Variants in XIRP2 observed in about 807,000 individuals in gnomAD.
The protein encoded by XIRP2 is xin actin binding repeat containing 2, also known as xin actin-binding repeat-containing protein 2.
XIRP2 carries 236 observed loss-of-function variants against 277.0 expected under a neutral mutation model. The ratio of observed to expected loss-of-function variants is 0.85; its 90% confidence interval spans 0.77 to 0.95. XIRP2 has a LOEUF of 0.95. Ranked by LOEUF, XIRP2 falls within the 40% of genes least tolerant of loss-of-function variation. The pLI is 0.00. For missense variants in XIRP2, 4,640 were observed against 4,157.5 expected (o/e 1.12, Z -3.19); for synonymous variants, 1,490 against 1,416.5 (o/e 1.05, Z -1.17).
intron 3 of XIRP2, among the ~76,000 whole-genome samples, chr2:167,164,724 A>G (rs1573927090): frequency 6.6e-6 from 1 of 152,244 alleles, no homozygotes; most frequent in South Asian, 2.1e-4. Context: ...TTTTTAATGG[A>G]CATTATTTTT....
chr2:167,166,838 G>C (rs1429624308), intron 3 of XIRP2, among the ~76,000 whole-genome samples: 4 of 152,104 alleles, frequency 2.6e-5, no homozygotes, highest in Non-Finnish European at 5.9e-5. Flanking sequence ...AGATTTGGGA[G>C]GGACAAACAT....
chr2:166,900,235 A>C (rs1037925198), intron 1 of XIRP2, among the ~76,000 whole-genome samples: 1 of 151,866 alleles, frequency 6.6e-6, no homozygotes, highest in Non-Finnish European at 1.5e-5. Context: ...AAATTCACTG[A>C]TCCTTTCCTT....
In XIRP2 at chr2:167,250,415, T is replaced by G; in HGVS notation, c.9023T>G (p.Val3008Gly). 1 of 1,613,156 alleles carries G rather than the reference T, an allele frequency of 6.2e-7. No individual in the cohort carries two copies. The highest frequency in any genetic ancestry group is 8.5e-7 in the Non-Finnish European group (1 of 1,179,604). Residue 3008 changes from valine to glycine, a missense_variant, in exon 9 of 11, where the codon GTA (valine) becomes GGA (glycine). Transcript: ENST00000409195. ...HIAMENNLEKVKEEITHIKTQ... is the reference protein window; with the variant it reads ...HIAMENNLEKGKEEITHIKTQ... ...GCCATGGAGAATAATTTAGAAAAAGTAAAAGAAGAAATAACACATATTAAA... is the reference window on the plus strand; with the variant it reads ...GCCATGGAGAATAATTTAGAAAAAGGAAAAGAAGAAATAACACATATTAAA...
At chr2:167,220,797 T>C (rs778595902) in intron 5 of XIRP2, among the ~76,000 whole-genome samples, 1 of 152,220 alleles carries the variant, frequency 6.6e-6, no homozygotes, top group Non-Finnish European at 1.5e-5. Flanking sequence ...CATATGGTTT[T>C]CAATGAAGAA....
intron 2 of XIRP2, among the ~76,000 whole-genome samples, chr2:166,921,301 G>A (rs1047651189): frequency 6.6e-6 from 1 of 152,060 alleles, no homozygotes; most frequent in Admixed American, 6.6e-5. Context: ...GTTGTCCAAA[G>A]TCGTTGTACT....
At chr2:166,940,621 T>C (rs1673134910) in intron 2 of XIRP2, among the ~76,000 whole-genome samples, 1 of 152,168 alleles carries the variant, frequency 6.6e-6, no homozygotes, top group African/African-American at 2.4e-5. Flanking sequence ...CAGATGGGGT[T>C]TTGGTGTGGA....
At chr2:167,025,931 G>A (rs1008465266) in intron 2 of XIRP2, among the ~76,000 whole-genome samples, 5 of 152,144 alleles carry the variant, frequency 3.3e-5, no homozygotes, top group Non-Finnish European at 5.9e-5. Context: ...TGTATATTCT[G>A]TTGATTTGGG....
intron 2 of XIRP2, among the ~76,000 whole-genome samples, chr2:167,011,200 C>CTT: frequency 6.6e-6 from 1 of 151,032 alleles, no homozygotes; most frequent in East Asian, 2.0e-4. Flanking sequence ...ATGATATTGG[C>CTT]TGTGGGTTTG....
chr2:167,092,461 A>G (rs943534365), intron 2 of XIRP2, among the ~76,000 whole-genome samples: 7 of 152,114 alleles, frequency 4.6e-5, no homozygotes, highest in African/African-American at 1.7e-4. Flanking sequence ...AATAGTTTGT[A>G]AAAGCCATCC....
intron 3 of XIRP2, among the ~76,000 whole-genome samples, chr2:167,183,238 AC>A (rs1269904124): frequency 4.6e-5 from 7 of 152,206 alleles, no homozygotes; most frequent in African/African-American, 1.4e-4. Flanking sequence ...GAAGAAAGCA[AC>A]TGTACTAGAA....
chr2:166,962,653 C>T (rs1023128118), intron 2 of XIRP2, among the ~76,000 whole-genome samples: 3 of 151,612 alleles, frequency 2.0e-5, no homozygotes, highest in African/African-American at 7.3e-5. Context: ...CAAAATAATG[C>T]CTTGTTGAAG....
intron 2 of XIRP2, among the ~76,000 whole-genome samples, chr2:167,021,330 T>C (rs1687975032): frequency 6.6e-6 from 1 of 152,072 alleles, no homozygotes; most frequent in Non-Finnish European, 1.5e-5. Context: ...ACAAATATAA[T>C]TTGGCAGAAA....
intron 2 of XIRP2, among the ~76,000 whole-genome samples, chr2:167,110,610 G>A (rs1690725662): frequency 6.6e-6 from 1 of 152,132 alleles, no homozygotes; most frequent in South Asian, 2.1e-4. Context: ...GTAATGTGAT[G>A]CCTCCAGCTT....
rs148287298 is a variant in XIRP2 at position 167,005,919 on chromosome 2, A to G, written c.408+102029A>G. On this transcript the variant is annotated intron_variant, in intron 2 of 10. Coordinates refer to ENST00000409195, the MANE Select transcript of XIRP2 (RefSeq NM_152381.6). ...TCAGAATCAGAGTATGCATGAGGAC[A>G]GCAGCACTGCTCCAAATCTGTTTGG... 2.4e-3 allele frequency among the ~76,000 whole-genome samples: 362 copies of G among 151,950 alleles called. 4 individuals are homozygous for G. Among genetic ancestry groups the G allele is most frequent in the African/African-American group, 8.1e-3 (335 of 41,524 alleles).
chr2:167,021,551 T>C (rs1045105350), intron 2 of XIRP2, among the ~76,000 whole-genome samples: 3 of 152,100 alleles, frequency 2.0e-5, no homozygotes, highest in Non-Finnish European at 2.9e-5. Context: ...TGGAAATTTT[T>C]CTTTAAAAGA....
At chr2:167,089,448 T>TCAGCAGC (rs1690076867) in intron 2 of XIRP2, among the ~76,000 whole-genome samples, 1 of 152,166 alleles carries the variant, frequency 6.6e-6, no homozygotes, top group Non-Finnish European at 1.5e-5. Flanking sequence ...TCATCACACT[T>TCAGCAGC]CAGCAGCCAG....
intron 3 of XIRP2, among the ~76,000 whole-genome samples, chr2:167,184,211 C>G (rs1297369385): frequency 6.6e-6 from 1 of 152,174 alleles, no homozygotes; most frequent in African/African-American, 2.4e-5. Flanking sequence ...CAGCCTCCAG[C>G]TAAACCCAGA....
At position 167,245,698 on chromosome 2, in the gene XIRP2, A is replaced by G. The variant is rs1283581255; in HGVS notation, c.4306A>G (p.Ile1436Val). 1.9e-6 allele frequency: 3 copies of G among 1,613,660 alleles called. No homozygotes were observed. The highest frequency in any genetic ancestry group is 2.5e-6 in the Non-Finnish European group (3 of 1,179,718). Residue 1436 changes from isoleucine (I) to valine (V), a missense_variant, in exon 9 of 11, where the codon ATA (isoleucine) becomes GTA (valine). Coordinates refer to ENST00000409195, the MANE Select transcript of XIRP2 (RefSeq NM_152381.6). ...TGAAAATTTTGATAAGAATAACTAT[A>G]TACGAACAGTAAGTGTCAATGAAAT... ...ESENFDKNNY[I>V]RTVSVNEIQK... is the part of the protein sequence containing the mutation.
intron 2 of XIRP2, among the ~76,000 whole-genome samples, chr2:167,042,578 A>G (rs2105522208): frequency 6.6e-6 from 1 of 152,318 alleles, no homozygotes; most frequent in African/African-American, 2.4e-5. Flanking sequence ...GAGAAAACAG[A>G]CTTTAAACCA....
Sources: gnomAD v4.1 joint callset for allele counts (sites outside exome capture counted in the v4.1 genomes callset) on GRCh38, gnomAD v4.1.1 for gene constraint, MANE v1.5 for transcripts, NCBI Gene and HGNC (gene_info 2026-07-23, HGNC 2026-07-21) for gene names.